Variants in ZNF763 observed in about 807,000 individuals in gnomAD.
ZNF763 encodes the protein DNA-binding protein.
In ZNF763, 33 loss-of-function variants were observed where a neutral mutation model predicts 38.0. The ratio of observed to expected loss-of-function variants is 0.87; its 90% CI spans 0.66 to 1.16. The LOEUF is 1.16. ZNF763 is among the 50% of genes most tolerant of loss of function. The pLI, the probability that ZNF763 is intolerant of heterozygous loss-of-function variation, is 0.00. For synonymous variants in ZNF763, 155 were observed against 160.1 expected (o/e 0.97, Z 0.24); for missense variants, 423 against 469.1 (o/e 0.90, Z 0.91).
chr19:11,967,610 A>G (rs536358542), intron 1 of ZNF763, among the ~76,000 whole-genome samples: 1 of 152,094 alleles, frequency 6.6e-6, no homozygotes, highest in African/African-American at 2.4e-5. Flanking sequence ...TCACCGTGTT[A>G]GCCAGGATGG....
At position 11,979,044 on chromosome 19, in the gene ZNF763, G is replaced by A. The variant is rs1245407660; in HGVS notation, c.1120G>A (p.Gly374Arg). The A allele has an allele frequency of 8.7e-6, 14 of 1,614,204 alleles. No individual in the cohort carries two copies. Among genetic ancestry groups the A allele is most frequent in the South Asian group, 3.3e-5 (3 of 91,088 alleles). Residue 374 changes from glycine to arginine, a missense_variant, in exon 4 of 4, where the codon GGG becomes AGG. By Grantham distance (125) the Gly-to-Arg change is moderately radical (BLOSUM62 -2). Transcript: ENST00000358987. ...AAAACCTTATGAATGTAAGCAGTGT[G>A]GGAAAGCATTATCTTATAAGTTTTC... The part of the protein sequence containing the change: ...AKKPYECKQC[G>R]KALSYKFSNT...
At chr19:11,972,882 C>T (rs553771258) in intron 1 of ZNF763, among the ~76,000 whole-genome samples, 1 of 150,818 alleles carries the variant, frequency 6.6e-6, no homozygotes, top group East Asian at 1.9e-4. Flanking sequence ...GCTTGAACTG[C>T]AGTGTTGGAG....
Position 11,979,664 on chromosome 19 carries a change from T to C in ZNF763, c.*555T>C. ...ATGTGGGAAAGCCTTCAGATCTGCCTCAATCCTTCAAATGCATGCTGGGAC... is the reference window on the plus strand; with the variant it reads ...ATGTGGGAAAGCCTTCAGATCTGCCCCAATCCTTCAAATGCATGCTGGGAC... On this transcript the variant is annotated 3_prime_UTR_variant, in exon 4 of 4. Coordinates refer to ENST00000358987, the MANE Select transcript of ZNF763 (RefSeq NM_001367172.2). The C allele has an allele frequency of 5.1e-6, 8 of 1,568,764 alleles. No homozygotes were observed. Among genetic ancestry groups the C allele is most frequent in the Non-Finnish European group, 6.9e-6 (8 of 1,157,762 alleles).
rs965421372 is a variant in ZNF763 at position 11,979,622 on chromosome 19, C to T, written c.*513C>T. The T allele has an allele frequency of 6.2e-7, 1 of 1,605,820 alleles. No individual in the cohort carries two copies. Among genetic ancestry groups the T allele is most frequent in the African/African-American group, 1.3e-5 (1 of 74,690 alleles). ...TGAAAGGACTCACACTGGAGAGAAA[C>T]CCTATGAGTGTAAGCAATGTGGGAA... On this transcript the variant is annotated 3_prime_UTR_variant, in exon 4 of 4. Transcript: ENST00000358987.
intron 1 of ZNF763, among the ~76,000 whole-genome samples, chr19:11,965,466 G>T (rs907573716): frequency 6.6e-6 from 1 of 152,210 alleles, no homozygotes; most frequent in African/African-American, 2.4e-5. Flanking sequence ...GCAGTTCCGC[G>T]CCCGCAGCCC....
At position 11,977,110 on chromosome 19, in the gene ZNF763, A is replaced by T. The variant is rs768737760; in HGVS notation, c.76A>T (p.Arg26Trp). 1 of 1,614,076 alleles carries T rather than the reference A, an allele frequency of 6.2e-7. No homozygotes were observed. Among genetic ancestry groups the T allele is most frequent in the African/African-American group, 1.3e-5 (1 of 74,942 alleles). ...GTGGGCTTTGCTGGATATTTCGCAGAGGAAACTCTACAGGGAAGTGATGCT... is the reference window on the plus strand; with the variant it reads ...GTGGGCTTTGCTGGATATTTCGCAGTGGAAACTCTACAGGGAAGTGATGCT... ...EEWALLDISQ[R>W]KLYREVMLET... The change falls in exon 2 of 4, where the codon AGG (arginine) becomes TGG (tryptophan). Residue 26 changes from arginine (R) to tryptophan (W), a missense_variant. By Grantham distance (101) the Arg-to-Trp change is moderately radical. Transcript: ENST00000358987.
chr19:11,970,155 A>C (rs1281979615), intron 1 of ZNF763, among the ~76,000 whole-genome samples: 1 of 152,204 alleles, frequency 6.6e-6, no homozygotes, highest in Non-Finnish European at 1.5e-5. Flanking sequence ...TTGGAGACAC[A>C]TGGCTGTTCT....
At chr19:11,976,712 C>G (rs1973498976) in intron 1 of ZNF763, 1 of 318,746 alleles carries the variant, frequency 3.1e-6, no homozygotes. Flanking sequence ...ACTAAAAATA[C>G]AAAATTAGCC....
chr19:11,973,312 A>T (rs1482868949), intron 1 of ZNF763, among the ~76,000 whole-genome samples: 1 of 152,146 alleles, frequency 6.6e-6, no homozygotes, highest in Non-Finnish European at 1.5e-5. Context: ...GCCATTTCAG[A>T]CTTGCTTCTT....
intron 1 of ZNF763, among the ~76,000 whole-genome samples, chr19:11,976,189 A>G (rs1167812118): frequency 1.3e-5 from 2 of 150,684 alleles, no homozygotes; most frequent in African/African-American, 4.9e-5. Context: ...GGCATTTTCA[A>G]GGATACACAG....
At chr19:11,974,155 TTTCCTTCCTTCC>T (rs1228736086) in intron 1 of ZNF763, among the ~76,000 whole-genome samples, 5 of 115,732 alleles carry the variant, frequency 4.3e-5, no homozygotes, top group African/African-American at 9.6e-5. Context: ...TCTTTCTTTC[TTTCCTTCCTTCC>T]TTCCTTCCTT....
chr19:11,966,943 G>T (rs1848307402), intron 1 of ZNF763, among the ~76,000 whole-genome samples: 2 of 152,160 alleles, frequency 1.3e-5, no homozygotes, highest in South Asian at 4.1e-4. Context: ...TATATTACCA[G>T]GAAAAGAGGT....
In ZNF763 at chr19:11,978,655, G is replaced by A. The variant is rs376999343; in HGVS notation, c.731G>A (p.Arg244Gln). 3.9e-5 allele frequency: 63 copies of A among 1,613,914 alleles called. No individual in the cohort carries two copies. Among genetic ancestry groups the A allele is most frequent in the Admixed American group, 2.7e-4 (16 of 60,004 alleles). Residue 244 changes from arginine to glutamine, a missense_variant, in exon 4 of 4, where the codon CGA becomes CAA. By Grantham distance (43) the Arg-to-Gln change is conservative. Coordinates refer to ENST00000358987, the MANE Select transcript of ZNF763 (RefSeq NM_001367172.2). ...VKSFSYSATH[R>Q]IHERTHTGEK... ...TCCTTTAGTTATTCTGCTACCCATC[G>A]AATACATGAAAGAACTCACACTGGA...
rs368805057 is a variant in ZNF763, at chr19:11,977,177, A to G, written c.130+13A>G. ...CTGACCTCTATAGGTAAGGATGACA[A>G]TATTCCTTCCCTCAGTCCATTAGTG... On this transcript the variant is annotated intron_variant, in intron 2 of 3. Coordinates refer to ENST00000358987, the MANE Select transcript of ZNF763 (RefSeq NM_001367172.2). 6 of 1,613,876 alleles carry G rather than the reference A, an allele frequency of 3.7e-6. No individual in the cohort carries two copies. The highest frequency in any genetic ancestry group is 1.3e-5 in the African/African-American group (1 of 75,042).
Position 11,977,104 on chromosome 19 carries a change from T to G in ZNF763, c.70T>G (p.Ser24Ala). Residue 24 changes from serine (S) to alanine (A), a missense_variant, in exon 2 of 4, where the codon TCG becomes GCG. Ser to Ala is a moderately conservative substitution (Grantham distance 99, BLOSUM62 1). Coordinates refer to ENST00000358987, the MANE Select transcript of ZNF763 (RefSeq NM_001367172.2). ...GGAGGAGTGGGCTTTGCTGGATATTTCGCAGAGGAAACTCTACAGGGAAGT... is the reference window on the plus strand; with the variant it reads ...GGAGGAGTGGGCTTTGCTGGATATTGCGCAGAGGAAACTCTACAGGGAAGT... The part of the protein sequence containing the change: ...TQEEWALLDI[S>A]QRKLYREVML... 1 of 1,614,170 alleles carries G rather than the reference T, an allele frequency of 6.2e-7. No individual in the cohort carries two copies. The highest frequency in any genetic ancestry group is 8.5e-7 in the Non-Finnish European group (1 of 1,180,030).
intron 1 of ZNF763, among the ~76,000 whole-genome samples, chr19:11,967,611 G>T (rs1156785937): frequency 2.0e-5 from 3 of 152,184 alleles, no homozygotes; most frequent in Non-Finnish European, 4.4e-5. Flanking sequence ...CACCGTGTTA[G>T]CCAGGATGGT....
At chr19:11,969,017 G>A (rs927434375) in intron 1 of ZNF763, among the ~76,000 whole-genome samples, 2 of 152,206 alleles carry the variant, frequency 1.3e-5, no homozygotes, top group Non-Finnish European at 2.9e-5. Context: ...TGAAAGTTGT[G>A]TGTCATGTGA....
chr19:11,965,061 C>T lies in ZNF763; in HGVS notation c.-148C>T. The T allele has an allele frequency of 1.0e-6, 1 of 998,306 alleles. No homozygotes were observed. Among genetic ancestry groups the T allele is most frequent in the Non-Finnish European group, 1.5e-6 (1 of 651,658 alleles). 61.8% of individuals were successfully genotyped at this position (998,306 alleles called of 1,614,324 possible). A position where few individuals can be genotyped will look rare whatever the true frequency, so the allele number is the denominator to read the frequency against. On this transcript the variant is annotated 5_prime_UTR_variant, in exon 1 of 4. Transcript: ENST00000358987. ...ATTCCTGTCCTCACCTTTGTCCTTG[C>T]GCAGCCGGTGGTTGATATCCGCTGT... is the stretch of plus-strand genomic sequence containing the variant.
Position 11,978,867 on chromosome 19 carries a change from AG to A in ZNF763, c.944del (p.Ser315ThrfsTer83). 5 of 1,614,216 alleles carry A rather than the reference AG, an allele frequency of 3.1e-6. No homozygotes were observed. Among genetic ancestry groups the A allele is most frequent in the Non-Finnish European group, 4.2e-6 (5 of 1,180,046 alleles). On this transcript the variant is annotated frameshift_variant, in exon 4 of 4. Transcript: ENST00000358987. LOFTEE classifies it high-confidence loss of function. ...CACTGGGGAGAAGCCCTGTGAATGT[AG>A]CAAATGTAATAAAGCATTCCGTAGT... ...THTGEKPCECSKCNKAFRSYR... is the reference protein window; with the variant it reads ...THTGEKPCECXKCNKAFRSYR...
Sources: allele counts gnomAD v4.1 joint callset (sites outside exome capture counted in the v4.1 genomes callset), GRCh38; gene constraint gnomAD v4.1.1; transcripts MANE v1.5; gene names NCBI Gene and HGNC (gene_info 2026-07-23, HGNC 2026-07-21).